The following VRK2 variants were observed in gnomAD, a reference collection of about 807,000 sequenced individuals.
VRK2 encodes the protein serine/threonine-protein kinase VRK2.
Under a neutral mutation model 57.6 loss-of-function variants are expected in VRK2, and 60 were observed. That is an observed-to-expected ratio of 1.04 (90% confidence interval 0.85 to 1.29). The LOEUF is 1.29. VRK2 is among the 50% of genes most tolerant of loss of function. VRK2 has a pLI of 0.00. For missense variants in VRK2, 705 were observed against 588.1 expected (o/e 1.20, Z -2.06); for synonymous variants, 231 against 199.2 (o/e 1.16, Z -1.35).
Position 58,013,597 on chromosome 2 carries a change from C to A in VRK2, c.-438-12068C>A, listed in dbSNP as rs377156185. On this transcript the variant is annotated intron_variant, in intron 1 of 15. Transcript: ENST00000417641. ...GCCTTAAAAAAGATACAGGGCCGGG[C>A]GCGGTGGCTCACGCCTGTAGTCCCA... Among the ~76,000 whole-genome samples, 22 of 152,218 alleles carry A rather than the reference C, an allele frequency of 1.4e-4. No homozygotes were observed. In the East Asian group the frequency reaches 3.9e-3, roughly 27 times the overall value.
rs551297547 is a variant in VRK2 at position 58,025,215 on chromosome 2, C to T, written c.-438-450C>T. On this transcript the variant is annotated intron_variant, in intron 1 of 15. Transcript: ENST00000417641. ...AGGCAGATAACTAAACTGCTCAGAT[C>T]CTCAGGCTGATTCACTGTAAAATAG... is the stretch of plus-strand genomic sequence containing the variant. 4.6e-5 allele frequency among the ~76,000 whole-genome samples: 7 copies of T among 152,172 alleles called. No individual in the cohort carries two copies. The South Asian group carries it at 1.5e-3, about 32-fold the overall frequency.
intron 1 of VRK2, among the ~76,000 whole-genome samples, chr2:57,952,522 T>C (rs1671458247): frequency 6.6e-6 from 1 of 152,196 alleles, no homozygotes. Context: ...TCAACAAACA[T>C]TTAACAAATA....
At chr2:57,957,180 T>C (rs1671612798) in intron 1 of VRK2, among the ~76,000 whole-genome samples, 1 of 152,180 alleles carries the variant, frequency 6.6e-6, no homozygotes, top group Non-Finnish European at 1.5e-5. Context: ...AAAGCTATAG[T>C]CTATTCAGGA....
At chr2:58,136,868 T>TC in intron 10 of VRK2, among the ~76,000 whole-genome samples, 6 of 85,922 alleles carry the variant, frequency 7.0e-5, no homozygotes, top group East Asian at 2.6e-4. Context: ...TGTGTATATA[T>TC]ATCATATATT....
rs779214315 is a variant in VRK2 at position 58,089,717 on chromosome 2, A to G, written c.537A>G (p.Pro179=). Residue 179 remains proline (P), a synonymous_variant, in exon 7 of 13, where the codon CCA becomes CCG. Coordinates refer to ENST00000340157, the MANE Select transcript of VRK2 (RefSeq NM_006296.7). ...AANLLLGYKN[P]DQVYLADYGL... ...ATCTACTTTTGGGTTACAAAAATCC[A>G]GACCAGGTAAATACATACTTTTGCT... The G allele has an allele frequency of 1.1e-5, 17 of 1,604,348 alleles. No individual in the cohort carries two copies. In the East Asian group the frequency reaches 3.6e-4, roughly 34 times the overall value.
At chr2:58,127,504 T>C (rs1450143577) in intron 8 of VRK2, among the ~76,000 whole-genome samples, 1 of 152,230 alleles carries the variant, frequency 6.6e-6, no homozygotes, top group Non-Finnish European at 1.5e-5. Context: ...CATTGCATCC[T>C]AATATTTCCT....
chr2:58,143,802 A>C (rs577653268), intron 11 of VRK2, among the ~76,000 whole-genome samples: 10 of 151,886 alleles, frequency 6.6e-5, no homozygotes, highest in African/African-American at 2.4e-4. Context: ...CACTATTCAC[A>C]ATAATCAAGA....
At chr2:57,976,383 A>T (rs186312600) in intron 1 of VRK2, among the ~76,000 whole-genome samples, 1 of 152,180 alleles carries the variant, frequency 6.6e-6, no homozygotes, top group African/African-American at 2.4e-5. Flanking sequence ...CCAGCAGAGT[A>T]TAAGTATTCC....
At chr2:58,074,170 T>C (rs1669755836) in intron 2 of VRK2, among the ~76,000 whole-genome samples, 1 of 152,172 alleles carries the variant, frequency 6.6e-6, no homozygotes, top group African/African-American at 2.4e-5. Context: ...TTTTAATTTA[T>C]CTGCGTTTTT....
At chr2:58,058,374 T>C (rs1238506499) in intron 2 of VRK2, 1 of 470,700 alleles carries the variant, frequency 2.1e-6, no homozygotes, top group South Asian at 1.6e-5. Context: ...TTTTTCTCTC[T>C]CCAATGCTTA....
chr2:57,941,296 T>C (rs777644620), intron 1 of VRK2, among the ~76,000 whole-genome samples: 4 of 152,206 alleles, frequency 2.6e-5, no homozygotes, highest in Non-Finnish European at 5.9e-5. Flanking sequence ...GAGTGACATA[T>C]AAGTTCTACA....
chr2:58,035,332 A>C (rs916826942), intron 3 of VRK2, among the ~76,000 whole-genome samples: 6 of 151,992 alleles, frequency 3.9e-5, no homozygotes, highest in Non-Finnish European at 8.8e-5. Flanking sequence ...AAGTTTTCAG[A>C]GATTTCTTCA....
At chr2:57,967,232 G>A (rs1671948737) in intron 1 of VRK2, among the ~76,000 whole-genome samples, 2 of 152,096 alleles carry the variant, frequency 1.3e-5, no homozygotes, top group African/African-American at 4.8e-5. Context: ...CGGCGGGTGC[G>A]GGGCTAGGGG....
chr2:58,072,375 C>A (rs1669474252), intron 2 of VRK2, among the ~76,000 whole-genome samples: 1 of 151,918 alleles, frequency 6.6e-6, no homozygotes, highest in African/African-American at 2.4e-5. Flanking sequence ...TCTAGTTTCT[C>A]AGCAGTAAGT....
intron 1 of VRK2, among the ~76,000 whole-genome samples, chr2:58,021,093 T>C (rs1429928556): frequency 1.3e-5 from 2 of 152,174 alleles, no homozygotes; most frequent in Non-Finnish European, 2.9e-5. Flanking sequence ...ATGAATGATA[T>C]TTTGGAAGAG....
intron 2 of VRK2, among the ~76,000 whole-genome samples, chr2:58,066,904 T>C (rs991869790): frequency 3.3e-5 from 5 of 152,180 alleles, no homozygotes; most frequent in African/African-American, 1.2e-4. Context: ...TCCCTGGATA[T>C]GTCTGTGAGG....
At chr2:58,020,925 T>G (rs939230363) in intron 1 of VRK2, among the ~76,000 whole-genome samples, 1 of 152,102 alleles carries the variant, frequency 6.6e-6, no homozygotes, top group Non-Finnish European at 1.5e-5. Context: ...TCTAGGAGAG[T>G]GTTTGGACCC....
chr2:57,915,952 T>C (rs1670133416), intron 1 of VRK2, among the ~76,000 whole-genome samples: 5 of 152,116 alleles, frequency 3.3e-5, no homozygotes, highest in Admixed American at 3.3e-4. Flanking sequence ...TAATGCCTGA[T>C]GAGGTGAAAC....
chr2:58,084,230 T>C (rs1387935778), intron 3 of VRK2, 92 bp downstream of exon 3: 1 of 1,313,872 alleles, frequency 7.6e-7, no homozygotes, highest in Non-Finnish European at 1.1e-6. Context: ...TTTGTAACTA[T>C]TGCCTTATCA....
Sources: allele counts gnomAD v4.1 joint callset (sites outside exome capture counted in the v4.1 genomes callset), GRCh38; gene constraint gnomAD v4.1.1; transcripts MANE v1.5; gene names NCBI Gene and HGNC (gene_info 2026-07-23, HGNC 2026-07-21).